Variants in AHNAK2 observed in about 807,000 individuals in gnomAD.
The protein encoded by AHNAK2 is AHNAK nucleoprotein 2.
AHNAK2 carries 18 observed loss-of-function variants against 30.7 expected under a neutral mutation model. The observed-to-expected ratio is 0.59, with a 90% CI of 0.41 to 0.87. The LOEUF (loss-of-function observed/expected upper bound fraction) is 0.87, where lower values mean the gene tolerates loss of function less well. AHNAK2 is among the 40% of genes least tolerant of loss of function. The probability of loss-of-function intolerance (pLI) is 0.00; values close to 1 mark genes in which losing one functional copy is unlikely to be tolerated. For synonymous variants in AHNAK2, 3,590 were observed against 3,073.8 expected, an observed-to-expected ratio of 1.17 and a Z score of -5.56; for missense variants, 8,604 against 7,373.0, an observed-to-expected ratio of 1.17 and a Z score of -6.11.
rs183172856 is a variant in AHNAK2, at chr14:104,937,301, G to C, written c.*762C>G. On this transcript the variant is annotated 3_prime_UTR_variant, in exon 7 of 7. Transcript: ENST00000333244. ...GCCCATCCAGGGAACAGCCAAGCCA[G>C]CTCCATCTGCATTCTGGCTGCAGCG... 4 of 152,300 alleles carry C rather than the reference G, an allele frequency of 2.6e-5. No homozygotes were observed. Among genetic ancestry groups the C allele is most frequent in the African/African-American group, 9.7e-5 (4 of 41,448 alleles). 9.4% of individuals were successfully genotyped at this position (152,300 alleles called of 1,614,324 possible). A position where few individuals can be genotyped will look rare whatever the true frequency, so the allele number is the denominator to read the frequency against.
chr14:104,938,608 G>A lies in AHNAK2; in HGVS notation c.16843C>T (p.Pro5615Ser), dbSNP rs1897882106. The A allele has an allele frequency of 2.5e-6, 4 of 1,612,856 alleles. No individual in the cohort carries two copies. Among genetic ancestry groups the A allele is most frequent in the Non-Finnish European group, 3.4e-6 (4 of 1,179,588 alleles). ...GTTGCCTCTTGGCTATCATCAGGGG[G>A]AAACTCAAGAATTTCTGCTGGCTCC... Reference protein sequence around the residue: ...DEEPAEILEFPPDDSQEATTP... With the variant: ...DEEPAEILEFSPDDSQEATTP... Residue 5615 changes from proline (P) to serine (S), a missense_variant, in exon 7 of 7, where the codon CCC (proline) becomes TCC (serine). Physicochemically the swap from Pro to Ser is moderately conservative, Grantham distance 74 (BLOSUM62 -1). Transcript: ENST00000333244.
In AHNAK2 at chr14:104,948,425, A is replaced by C; in HGVS notation, c.7026T>G (p.Asp2342Glu). 6.2e-7 allele frequency: 1 copy of C among 1,609,962 alleles called. No individual in the cohort carries two copies. Among genetic ancestry groups the C allele is most frequent in the Admixed American group, 1.7e-5 (1 of 59,792 alleles). The change falls in exon 7 of 7, where the codon GAT becomes GAG. Residue 2342 changes from aspartate to glutamate, a missense_variant. Physicochemically the swap from Asp to Glu is conservative, Grantham distance 45. Coordinates refer to ENST00000333244, the MANE Select transcript of AHNAK2 (RefSeq NM_138420.4). ...CGGCCTCCACCTTCAACGCAGACAC[A>C]TCCGCTGAGGCCTCGATGGACTTGC... is the stretch of plus-strand genomic sequence containing the variant. Reference protein sequence around the residue: ...ALGKSIEASADVSALKVEADV... With the variant: ...ALGKSIEASAEVSALKVEADV...
At position 104,947,482 on chromosome 14, in the gene AHNAK2, A is replaced by G. The variant is rs1898352119; in HGVS notation, c.7969T>C (p.Ser2657Pro). 1 of 1,612,194 alleles carries G rather than the reference A, an allele frequency of 6.2e-7. No individual in the cohort carries two copies. Among genetic ancestry groups the G allele is most frequent in the Non-Finnish European group, 8.5e-7 (1 of 1,179,434 alleles). Reference protein sequence around the residue: ...KFKMPKFKMPSFRVSAPGESI... With the variant: ...KFKMPKFKMPPFRVSAPGESI... ...TCGCCTGGGGCCGACACCCTGAATG[A>G]TGGCATCTTGAACTTGGGCATTTTG... is the stretch of plus-strand genomic sequence containing the variant. The change falls in exon 7 of 7, where the codon TCA becomes CCA. Residue 2657 changes from serine to proline, a missense_variant. Coordinates refer to ENST00000333244, the MANE Select transcript of AHNAK2 (RefSeq NM_138420.4).
chr14:104,975,985 G>C (rs900598081), intron 1 of AHNAK2, among the ~76,000 whole-genome samples: 4 of 152,182 alleles, frequency 2.6e-5, no homozygotes, highest in African/African-American at 9.7e-5. Flanking sequence ...CCGCAGAGAA[G>C]AGACCACCCA....
At chr14:104,965,147 G>A (rs995116604) in intron 1 of AHNAK2, among the ~76,000 whole-genome samples, 4 of 152,220 alleles carry the variant, frequency 2.6e-5, no homozygotes, top group Admixed American at 2.0e-4. Flanking sequence ...TGTAGCCCAG[G>A]GAAGCCAAAA....
At chr14:104,955,386 G>T in intron 5 of AHNAK2, 97 bp downstream of exon 5, 1 of 1,485,524 alleles carries the variant, frequency 6.7e-7, no homozygotes. Flanking sequence ...GTCATCCTAA[G>T]CTCCAGGTGT....
Position 104,947,863 on chromosome 14 carries a change from C to G in AHNAK2, c.7588G>C (p.Asp2530His), listed in dbSNP as rs758201445. ...SSMQGDLKATDLSIQPPSADL... is the reference protein window; with the variant it reads ...SSMQGDLKATHLSIQPPSADL... ...GCGGAAGGGGGCTGAATGCTGAGGTCAGTGGCCTTGAGGTCCCCCTGCATG... is the reference window on the plus strand; with the variant it reads ...GCGGAAGGGGGCTGAATGCTGAGGTGAGTGGCCTTGAGGTCCCCCTGCATG... Residue 2530 changes from aspartate (D) to histidine (H), a missense_variant, in exon 7 of 7, where the codon GAC (aspartate) becomes CAC (histidine). Physicochemically the swap from Asp to His is moderately conservative, Grantham distance 81. Coordinates refer to ENST00000333244, the MANE Select transcript of AHNAK2 (RefSeq NM_138420.4). The G allele has an allele frequency of 1.1e-5, 18 of 1,612,598 alleles. No homozygotes were observed. Among genetic ancestry groups the G allele is most frequent in the Admixed American group, 8.3e-5 (5 of 59,944 alleles).
Position 104,953,776 on chromosome 14 carries a change from C to T in AHNAK2, c.1675G>A (p.Gly559Arg). The change falls in exon 7 of 7, where the codon GGA becomes AGA. Residue 559 changes from glycine (G) to arginine (R), a missense_variant. By Grantham distance (125) the Gly-to-Arg change is moderately radical (BLOSUM62 -2). Transcript: ENST00000333244. ...TCAGTGATCCTTGTCCTCTGTAGTC[C>T]TTCCTCTCCATCTCCTTCATCCCCC... ...AQGDEGDGEE[G>R]LQRTRITEEQ... 1 of 1,613,928 alleles carries T rather than the reference C, an allele frequency of 6.2e-7. No individual in the cohort carries two copies. Among genetic ancestry groups the T allele is most frequent in the African/African-American group, 1.3e-5 (1 of 75,020 alleles).
At position 104,949,235 on chromosome 14, in the gene AHNAK2, G is replaced by C. The variant is rs776464651; in HGVS notation, c.6216C>G (p.Pro2072=). Residue 2072 remains proline (P), a synonymous_variant, in exon 7 of 7, where the codon CCC becomes CCG. Coordinates refer to ENST00000333244, the MANE Select transcript of AHNAK2 (RefSeq NM_138420.4). ...TCTTCAAACTGGGCATCTCCACCTTGGGCAGGTGCCCTTTGAGGCCAGCTC... is the reference window on the plus strand; with the variant it reads ...TCTTCAAACTGGGCATCTCCACCTTCGGCAGGTGCCCTTTGAGGCCAGCTC... ...PEGAGLKGHL[P]KVEMPSLKMP... is the part of the protein sequence containing the mutation. The C allele has an allele frequency of 2.1e-5, 23 of 1,070,652 alleles. 6 individuals carry two copies. The African/African-American group carries it at 2.3e-4, about 11-fold the overall frequency. The allele number at this position is 1,070,652 out of a possible 1,614,324, so 66.3% of individuals were successfully genotyped here.
rs28454709 is a variant in AHNAK2, at chr14:104,939,605, G to A, written c.15846C>T (p.Leu5282=). The A allele has an allele frequency of 0.54, 874,984 of 1,613,622 alleles. 240,063 individuals are homozygous for A. The highest frequency in any genetic ancestry group is 0.67 in the Middle Eastern group (4,072 of 6,062). Residue 5282 remains leucine (L), a synonymous_variant, in exon 7 of 7, where the codon CTC becomes CTT. Transcript: ENST00000333244. ...DLDSTGLKLH[L]STAGMTGDEL... ...CATCCCCAGTCATCCCAGCAGTGGAGAGGTGCAGCTTCAAGCCTGTGCTGT... is the reference window on the plus strand; with the variant it reads ...CATCCCCAGTCATCCCAGCAGTGGAAAGGTGCAGCTTCAAGCCTGTGCTGT...
chr14:104,953,311 T>C lies in AHNAK2; in HGVS notation c.2140A>G (p.Met714Val), dbSNP rs1211613944. The C allele has an allele frequency of 6.2e-7, 1 of 1,612,878 alleles. No individual in the cohort carries two copies. Among genetic ancestry groups the C allele is most frequent in the Non-Finnish European group, 8.5e-7 (1 of 1,179,686 alleles). ...TCAGTGGTCTTGAGGTCCCCCTGCATGGAGAGGAGGCTCACGTCGGCCTCC... is the reference window on the plus strand; with the variant it reads ...TCAGTGGTCTTGAGGTCCCCCTGCACGGAGAGGAGGCTCACGTCGGCCTCC... ...KVEADVSLLS[M>V]QGDLKTTDLS... The change falls in exon 7 of 7, where the codon ATG (methionine) becomes GTG (valine). Residue 714 changes from methionine (M) to valine (V), a missense_variant. Met to Val is a conservative substitution (Grantham distance 21). Transcript: ENST00000333244.
Position 104,948,564 on chromosome 14 carries a change from T to A in AHNAK2, c.6887A>T (p.Asp2296Val), listed in dbSNP as rs903535595. Residue 2296 changes from aspartate to valine, a missense_variant, in exon 7 of 7, where the codon GAT becomes GTT. Physicochemically the swap from Asp to Val is radical, Grantham distance 152. Transcript: ENST00000333244. ...VDVKAPGAKL[D>V]GARLEGDMSL... ...CATGTCCCCCTCCAGCCGCGCACCA[T>A]CCAGCTTGGCTCCTGGGGCCTTGAC... The A allele has an allele frequency of 1.9e-6, 3 of 1,612,370 alleles. No individual in the cohort carries two copies. In the African/African-American group the frequency reaches 4.1e-5, roughly 22 times the overall value.
In AHNAK2 at chr14:104,939,515, G is replaced by A. The variant is rs375923841; in HGVS notation, c.15936C>T (p.Gly5312=). The part of the protein sequence containing the change: ...SKGPLPFQMP[G]MRLPETQVLP... ...GAACCTGGGTTTCTGGAAGCCTCATGCCAGGCATCTGAAAAGGGAGAGGTC... is the reference window on the plus strand; with the variant it reads ...GAACCTGGGTTTCTGGAAGCCTCATACCAGGCATCTGAAAAGGGAGAGGTC... Residue 5312 remains glycine, a synonymous_variant, in exon 7 of 7, where the codon GGC becomes GGT. Coordinates refer to ENST00000333244, the MANE Select transcript of AHNAK2 (RefSeq NM_138420.4). 16 of 1,613,726 alleles carry A rather than the reference G, an allele frequency of 9.9e-6. No homozygotes were observed. The African/African-American group carries it at 2.0e-4, about 20-fold the overall frequency.
At chr14:104,965,714 A>C (rs1173894634) in intron 1 of AHNAK2, among the ~76,000 whole-genome samples, 1 of 152,220 alleles carries the variant, frequency 6.6e-6, no homozygotes, top group Non-Finnish European at 1.5e-5. Flanking sequence ...CTCGGGGACC[A>C]GCTGCTCCCT....
chr14:104,950,322 GA>G lies in AHNAK2; in HGVS notation c.5128del (p.Ser1710ProfsTer13). On this transcript the variant is annotated frameshift_variant, in exon 7 of 7. Coordinates refer to ENST00000333244, the MANE Select transcript of AHNAK2 (RefSeq NM_138420.4). LOFTEE classifies it low-confidence loss of function (END_TRUNC). ...CTGGACCTCCAGGTCGGCGGAAGGG[GA>G]CTGAATGCTGAGGTCAGTGGTCTTC... ...DLKTTDLSIQ[S>X]PSADLEVQAG... The G allele has an allele frequency of 2.5e-6, 4 of 1,583,312 alleles. 1 individual carries two copies.
At position 104,948,647 on chromosome 14, in the gene AHNAK2, G is replaced by A. The variant is rs751903298; in HGVS notation, c.6804C>T (p.Pro2268=). The part of the protein sequence containing the change: ...IKGPKLDLKD[P]KVEVTAPDVE... ...CATCAGGGGCTGTCACTTCCACCTT[G>A]GGGTCTTTTAGGTCCAGCTTGGGGC... Residue 2268 remains proline, a synonymous_variant, in exon 7 of 7, where the codon CCC becomes CCT. Transcript: ENST00000333244. 1 of 1,612,268 alleles carries A rather than the reference G, an allele frequency of 6.2e-7. No individual in the cohort carries two copies. The highest frequency in any genetic ancestry group is 2.2e-5 in the East Asian group (1 of 44,778).
chr14:104,953,244 T>C lies in AHNAK2; in HGVS notation c.2207A>G (p.Asp736Gly), dbSNP rs548520387. 2 of 1,610,312 alleles carry C rather than the reference T, an allele frequency of 1.2e-6. No individual in the cohort carries two copies. Among genetic ancestry groups the C allele is most frequent in the Admixed American group, 1.7e-5 (1 of 59,682 alleles). The stretch of plus-strand genomic sequence containing the variant: ...CGGAAGTTTCACATCCACTTGGCCA[T>C]CCTGGACCTCCAGGTCAGCGGAAGG... ...QTPSADLEVQDGQVDVKLPEG... is the reference protein window; with the variant it reads ...QTPSADLEVQGGQVDVKLPEG... The change falls in exon 7 of 7, where the codon GAT becomes GGT. Residue 736 changes from aspartate to glycine, a missense_variant. By Grantham distance (94) the Asp-to-Gly change is moderately conservative. Transcript: ENST00000333244.
intron 1 of AHNAK2, among the ~76,000 whole-genome samples, chr14:104,972,009 G>A (rs963221151): frequency 2.0e-5 from 3 of 152,216 alleles, no homozygotes; most frequent in Non-Finnish European, 4.4e-5. Flanking sequence ...GGCTGCCCCC[G>A]CCACGGGATG....
At position 104,950,351 on chromosome 14, in the gene AHNAK2, G is replaced by A. The variant is rs369190836; in HGVS notation, c.5100C>T (p.Asp1700=). ...GAATGCTGAGGTCAGTGGTCTTCAG[G>A]TCCCCCTGCATGGAGGGGAGGCTCA... is the stretch of plus-strand genomic sequence containing the variant. ...ADVSLPSMQG[D]LKTTDLSIQS... The change falls in exon 7 of 7, where the codon GAC becomes GAT. Residue 1700 remains aspartate (D), a synonymous_variant. Transcript: ENST00000333244. 68 of 1,585,550 alleles carry A rather than the reference G, an allele frequency of 4.3e-5. 9 individuals carry two copies. Among genetic ancestry groups the A allele is most frequent in the Admixed American group, 2.6e-4 (15 of 57,322 alleles).
Sources: gnomAD v4.1 joint callset for allele counts (sites outside exome capture counted in the v4.1 genomes callset) on GRCh38, gnomAD v4.1.1 for gene constraint, MANE v1.5 for transcripts, NCBI Gene and HGNC (gene_info 2026-07-23, HGNC 2026-07-21) for gene names.